CSF1: variants seen among roughly 807,000 people sequenced by gnomAD.
CSF1 encodes colony stimulating factor 1, also known as macrophage colony-stimulating factor 1.
In CSF1, 9 loss-of-function variants were observed where a neutral mutation model predicts 48.9. The ratio of observed to expected loss-of-function variants is 0.18; its 90% CI spans 0.11 to 0.32. CSF1 has a LOEUF of 0.32. Among genes scored for constraint, CSF1 ranks in the 10% least tolerant of loss-of-function variants. The pLI is 1.00. For synonymous variants in CSF1, 305 were observed against 284.1 expected, an observed-to-expected ratio of 1.07 and a Z score of -0.74; for missense variants, 672 against 697.9, an observed-to-expected ratio of 0.96 and a Z score of 0.42.
intron 8 of CSF1, chr1:109,926,622 C>G (rs1285591213): frequency 6.6e-6 from 1 of 152,052 alleles, no homozygotes. Context: ...CCCCTCCCAC[C>G]CAAGCCCACA....
intron 8 of CSF1, among the ~76,000 whole-genome samples, chr1:109,925,642 C>A (rs1469645851): frequency 6.6e-6 from 1 of 152,220 alleles, no homozygotes; most frequent in Non-Finnish European, 1.5e-5. Context: ...ACCCCCGCAC[C>A]AGTTAACCCT....
intron 4 of CSF1, 80 bp from the exon 5 acceptor site, chr1:109,921,767 G>T (rs1056091964): frequency 1.6e-5 from 24 of 1,455,212 alleles, no homozygotes; most frequent in Non-Finnish European, 2.1e-5. Context: ...TGTGAGAAAG[G>T]CCAAGGGAAT....
At chr1:109,911,624 C>G (rs1387255210) in intron 1 of CSF1, among the ~76,000 whole-genome samples, 1 of 150,292 alleles carries the variant, frequency 6.7e-6, no homozygotes, top group Non-Finnish European at 1.5e-5. Flanking sequence ...CTACGGAGGA[C>G]TTGGGTGGCT....
chr1:109,924,779 C>T lies in CSF1; in HGVS notation c.1573C>T (p.His525Tyr), dbSNP rs1412587587. 13 of 1,591,728 alleles carry T rather than the reference C, an allele frequency of 8.2e-6. No homozygotes were observed. The highest frequency in any genetic ancestry group is 1.1e-5 in the Non-Finnish European group (13 of 1,169,142). ...LLFYRWRRRS[H>Y]QEPQRADSPL... The stretch of plus-strand genomic sequence containing the variant: ...AGATGCTCTTTCCTGTCCTCAGAGC[C>T]ATCAAGAGCCTCAGAGAGCGGATTC... The change falls in exon 7 of 9, where the codon CAT (histidine) becomes TAT (tyrosine). Residue 525 changes from histidine to tyrosine, a missense_variant. This residue lies in a region of CSF1 where 591 missense variants were observed against 593.6 expected (regional missense o/e 1.00). Transcript: ENST00000329608.
intron 2 of CSF1, 105 bp from the exon 3 acceptor site, chr1:109,915,529 C>A: frequency 1.0e-6 from 1 of 964,452 alleles, no homozygotes; most frequent in Non-Finnish European, 1.7e-6. Flanking sequence ...GGATGAAGTT[C>A]AAACCCCAAT....
intron 1 of CSF1, among the ~76,000 whole-genome samples, chr1:109,913,659 G>A (rs1226826516): frequency 2.6e-5 from 4 of 152,236 alleles, no homozygotes; most frequent in Admixed American, 1.3e-4. Context: ...AATCAGCTGG[G>A]CTCCTTTTGA....
chr1:109,923,454 C>A lies in CSF1; in HGVS notation c.833C>A (p.Pro278Gln). Residue 278 changes from proline to glutamine, a missense_variant, in exon 6 of 9, where the codon CCA becomes CAA. Pro to Gln is a moderately conservative substitution (Grantham distance 76). Coordinates refer to ENST00000329608, the MANE Select transcript of CSF1 (RefSeq NM_000757.6). ...VVKDSTIGGS[P>Q]QPRPSVGAFN... is the part of the protein sequence containing the mutation. ...AAGGACAGCACCATCGGTGGCTCACCACAGCCTCGCCCCTCTGTCGGGGCC... is the reference window on the plus strand; with the variant it reads ...AAGGACAGCACCATCGGTGGCTCACAACAGCCTCGCCCCTCTGTCGGGGCC... The A allele has an allele frequency of 6.2e-7, 1 of 1,614,164 alleles. No individual in the cohort carries two copies. The highest frequency in any genetic ancestry group is 8.5e-7 in the Non-Finnish European group (1 of 1,180,016).
intron 3 of CSF1, among the ~76,000 whole-genome samples, chr1:109,916,159 G>C (rs1654891866): frequency 6.6e-6 from 1 of 152,034 alleles, no homozygotes. Context: ...GCCCTTCCTG[G>C]ACTTGCCCCA....
chr1:109,912,874 C>A (rs1398459697), intron 1 of CSF1, among the ~76,000 whole-genome samples: 34 of 152,128 alleles, frequency 2.2e-4, no homozygotes. Flanking sequence ...TGACTGCCGT[C>A]CCCCTCTTCC....
At position 109,929,822 on chromosome 1, in the gene CSF1, T is replaced by A. The variant is rs1359683827; in HGVS notation, c.*984T>A. 6.6e-6 allele frequency: 1 copy of A among 152,074 alleles called. No homozygotes were observed. The highest frequency in any genetic ancestry group is 1.5e-5 in the Non-Finnish European group (1 of 68,138). The allele number at this position is 152,074 out of a possible 1,614,324, so 9.4% of individuals were successfully genotyped here. ...TGACCTGGCCTTTGACTCCCCGGAGTGGAGTGGGGTGGGAGAACCTCCTGG... is the reference window on the plus strand; with the variant it reads ...TGACCTGGCCTTTGACTCCCCGGAGAGGAGTGGGGTGGGAGAACCTCCTGG... On this transcript the variant is annotated 3_prime_UTR_variant, in exon 9 of 9. Coordinates refer to ENST00000329608, the MANE Select transcript of CSF1 (RefSeq NM_000757.6).
At chr1:109,924,902 T>C (rs1429354410) in intron 7 of CSF1, 74 bp downstream of exon 7, 1 of 1,437,458 alleles carries the variant, frequency 7.0e-7, no homozygotes, top group Non-Finnish European at 9.6e-7. Context: ...TTCGTGGTGG[T>C]GGGGCTCTCC....
At chr1:109,922,254 G>T (rs1305830970) in intron 5 of CSF1, 1 of 360,688 alleles carries the variant, frequency 2.8e-6, no homozygotes, top group Non-Finnish European at 5.0e-6. Flanking sequence ...GATCATGCTG[G>T]TGCCTTGAGA....
In CSF1 at chr1:109,923,748, C is replaced by A; in HGVS notation, c.1127C>A (p.Thr376Asn). The change falls in exon 6 of 9, where the codon ACT becomes AAT. Residue 376 changes from threonine (T) to asparagine (N), a missense_variant. Coordinates refer to ENST00000329608, the MANE Select transcript of CSF1 (RefSeq NM_000757.6). ...CCCAGGGTGGGCCCCGTGAGGCCCA[C>A]TGGCCAGGACTGGAATCACACCCCC... is the stretch of plus-strand genomic sequence containing the variant. ...ALPRVGPVRP[T>N]GQDWNHTPQK... 6.2e-7 allele frequency: 1 copy of A among 1,609,588 alleles called. No homozygotes were observed. The highest frequency in any genetic ancestry group is 8.5e-7 in the Non-Finnish European group (1 of 1,177,770).
chr1:109,924,300 CAG>C (rs1242313179), intron 6 of CSF1, 110 bp downstream of exon 6: 9 of 915,528 alleles, frequency 9.8e-6, no homozygotes, highest in Non-Finnish European at 1.4e-5. Context: ...TCTTCAGACA[CAG>C]AGAGATAGGG....
In CSF1 at chr1:109,929,350, T is replaced by TCGGCCTGATTTCCCGTAAAGGTGTG; in HGVS notation, c.*514_*538dup. ...CTGAAGTTCGTGGGGCGGGACAGCG[T>TCGGCCTGATTTCCCGTAAAGGTGTG]CGGCCTGATTTCCCGTAAAGGTGTG... On this transcript the variant is annotated 3_prime_UTR_variant, in exon 9 of 9. Coordinates refer to ENST00000329608, the MANE Select transcript of CSF1 (RefSeq NM_000757.6). 6.5e-6 allele frequency: 1 copy of TCGGCCTGATTTCCCGTAAAGGTGTG among 152,828 alleles called. No individual in the cohort carries two copies. Among genetic ancestry groups the TCGGCCTGATTTCCCGTAAAGGTGTG allele is most frequent in the Non-Finnish European group, 1.5e-5 (1 of 68,196 alleles). The allele number at this position is 152,828 out of a possible 1,614,324, so 9.5% of individuals were successfully genotyped here. A position where few individuals can be genotyped will look rare whatever the true frequency, so the allele number is the denominator to read the frequency against.
At chr1:109,920,135 A>C (rs1647461386) in intron 4 of CSF1, among the ~76,000 whole-genome samples, 1 of 151,420 alleles carries the variant, frequency 6.6e-6, no homozygotes, top group Admixed American at 6.6e-5. Context: ...AAGTCTCTGG[A>C]GAAGACAGTG....
chr1:109,928,806 C>CCCCGCATTCCCACTCTGCT (rs1430035780), intron 8 of CSF1, 46 bp from the exon 9 acceptor site: 1 of 152,860 alleles, frequency 6.5e-6, no homozygotes, highest in Non-Finnish European at 1.5e-5. Context: ...CAACGACCCT[C>CCCCGCATTCCCACTCTGCT]CCCGCATTCC....
At chr1:109,922,073 G>A (rs1647573684) in intron 5 of CSF1, 79 bp downstream of exon 5, 15 of 1,499,214 alleles carry the variant, frequency 1.0e-5, no homozygotes, top group Admixed American at 2.2e-5. Flanking sequence ...TGTGAAGCTG[G>A]GGGGACCCCT....
At chr1:109,925,267 CTGTTGGT>C in intron 8 of CSF1, 65 bp downstream of exon 8, 1 of 1,376,022 alleles carries the variant, frequency 7.3e-7, no homozygotes, top group Non-Finnish European at 1.0e-6. Context: ...TCACGTTCAC[CTGTTGGT>C]GACACCAATT....
Sources: allele counts gnomAD v4.1 joint callset (sites outside exome capture counted in the v4.1 genomes callset), GRCh38; gene constraint gnomAD v4.1.1; regional missense constraint gnomAD v4.1.1; transcripts MANE v1.5; gene names NCBI Gene and HGNC (gene_info 2026-07-23, HGNC 2026-07-21).